Variants in PPP2R5C observed in about 807,000 individuals in gnomAD.
PPP2R5C encodes serine/threonine-protein phosphatase 2A 56 kDa regulatory subunit gamma isoform.
PPP2R5C carries 7 observed loss-of-function variants against 68.9 expected under a neutral mutation model. The observed-to-expected ratio is 0.10, with a 90% CI of 0.06 to 0.19. The LOEUF is 0.19. Among genes scored for constraint, PPP2R5C ranks in the 10% least tolerant of loss-of-function variants. PPP2R5C has a pLI of 1.00. For missense variants in PPP2R5C, 348 were observed against 641.3 expected (o/e 0.54, Z 4.94); for synonymous variants, 210 against 222.2 (o/e 0.95, Z 0.49).
At chr14:101,851,055 T>C (rs2140509462) in intron 1 of PPP2R5C, among the ~76,000 whole-genome samples, 2 of 152,308 alleles carry the variant, frequency 1.3e-5, no homozygotes, top group South Asian at 4.1e-4. Flanking sequence ...GAGCGCTTCT[T>C]TCTGTTTTGC....
chr14:101,907,643 G>C (rs1326626283), intron 10 of PPP2R5C, among the ~76,000 whole-genome samples: 1 of 152,150 alleles, frequency 6.6e-6, no homozygotes, highest in Non-Finnish European at 1.5e-5. Context: ...TATGGGTGAG[G>C]AAGGTGAGAC....
At chr14:101,763,036 A>C (rs2036636970) in intron 2 of PPP2R5C, 66 bp downstream of exon 2, 1 of 1,347,182 alleles carries the variant, frequency 7.4e-7, no homozygotes, top group Non-Finnish European at 1.0e-6. Context: ...AGAAAAACCG[A>C]GAGTGATAAA....
intron 3 of PPP2R5C, among the ~76,000 whole-genome samples, chr14:101,789,188 C>G (rs1046871589): frequency 6.6e-5 from 10 of 152,172 alleles, no homozygotes; most frequent in Admixed American, 2.6e-4. Context: ...CCAACATAGA[C>G]TAGTTATTTT....
Position 101,781,938 on chromosome 14 carries a change from A to G in PPP2R5C, c.94-4080A>G. On this transcript the variant is annotated intron_variant, in intron 2 of 14. Coordinates refer to the PPP2R5C transcript ENST00000328724. The surrounding 1 kb of genome is among the most constrained non-coding windows in gnomAD (Gnocchi z 6.4). ...TCCCGCTCCCACCTCGTCTGCGCCC[A>G]CCCGCTCTGGGCAGCTGCTCCCAAG... Among the ~76,000 whole-genome samples the G allele has an allele frequency of 6.9e-6, 1 of 144,770 alleles. No homozygotes were observed. Among genetic ancestry groups the G allele is most frequent in the Non-Finnish European group, 1.5e-5 (1 of 65,492 alleles). The allele number at this position is 144,770 out of a possible 152,430, so 95.0% of individuals were successfully genotyped here. A position where few individuals can be genotyped will look rare whatever the true frequency, so the allele number is the denominator to read the frequency against.
intron 2 of PPP2R5C, among the ~76,000 whole-genome samples, chr14:101,881,652 C>A (rs2044176384): frequency 6.6e-6 from 1 of 152,260 alleles, no homozygotes; most frequent in Non-Finnish European, 1.5e-5. Flanking sequence ...GGTCGTCCCA[C>A]TCTGACTGTT....
At chr14:101,816,881 T>TA (rs2039715876) in intron 1 of PPP2R5C, among the ~76,000 whole-genome samples, 1 of 136,744 alleles carries the variant, frequency 7.3e-6, no homozygotes, top group South Asian at 2.1e-4. Flanking sequence ...TATATATATA[T>TA]TATATATATA....
chr14:101,776,075 G>C (rs542126865), intron 2 of PPP2R5C, among the ~76,000 whole-genome samples: 17 of 137,548 alleles, frequency 1.2e-4, no homozygotes, highest in African/African-American at 4.2e-4. Flanking sequence ...GCTGGTGCTC[G>C]TGTGCAGCCA....
chr14:101,880,687 C>A (rs1009693122), intron 2 of PPP2R5C, among the ~76,000 whole-genome samples: 3 of 152,056 alleles, frequency 2.0e-5, no homozygotes, highest in African/African-American at 7.3e-5. Flanking sequence ...GTCCCAGCTA[C>A]TTGGGAGGCT....
chr14:101,848,459 A>G (rs2041966817), intron 1 of PPP2R5C, among the ~76,000 whole-genome samples: 1 of 151,962 alleles, frequency 6.6e-6, no homozygotes, highest in South Asian at 2.1e-4. Context: ...TGAACCCAGG[A>G]GGCGGAGGTT....
chr14:101,780,784 C>G (rs2037639922), intron 2 of PPP2R5C, among the ~76,000 whole-genome samples: 1 of 152,146 alleles, frequency 6.6e-6, no homozygotes, highest in African/African-American at 2.4e-5. Flanking sequence ...CAGTTTGTTC[C>G]GTTTACGATA....
At chr14:101,814,198 A>G (rs2039527042) in intron 1 of PPP2R5C, among the ~76,000 whole-genome samples, 1 of 152,242 alleles carries the variant, frequency 6.6e-6, no homozygotes, top group Non-Finnish European at 1.5e-5. Flanking sequence ...TTCTTCAAAT[A>G]ATTAAACCAG....
rs562400529 is a variant in PPP2R5C at position 101,797,576 on chromosome 14, C to G, written c.259+11393C>G. The G allele has an allele frequency of 8.0e-6, 2 of 249,136 alleles. No individual in the cohort carries two copies. The highest frequency in any genetic ancestry group is 2.2e-4 in the East Asian group (2 of 9,276). 15.4% of individuals were successfully genotyped at this position (249,136 alleles called of 1,614,324 possible). A position where few individuals can be genotyped will look rare whatever the true frequency, so the allele number is the denominator to read the frequency against. On this transcript the variant is annotated intron_variant, in intron 3 of 14. Coordinates refer to the PPP2R5C transcript ENST00000328724. The surrounding 1 kb of genome is among the most constrained non-coding windows in gnomAD (Gnocchi z 4.2). ...CCAGCCAGGGCCACCTATCCCTTCACCTCCCTCCACCTCGGATTTCCTCTT... is the reference window on the plus strand; with the variant it reads ...CCAGCCAGGGCCACCTATCCCTTCAGCTCCCTCCACCTCGGATTTCCTCTT...
chr14:101,850,436 A>T (rs2042088025), intron 1 of PPP2R5C, among the ~76,000 whole-genome samples: 1 of 152,236 alleles, frequency 6.6e-6, no homozygotes, highest in South Asian at 2.1e-4. Context: ...TGTTTTGCAC[A>T]TTTTGAGAAG....
At chr14:101,831,619 A>C (rs1201390997) in intron 1 of PPP2R5C, 2 of 606,160 alleles carry the variant, frequency 3.3e-6, no homozygotes, top group African/African-American at 3.6e-5. Context: ...AATAAGTACA[A>C]GAATTACAGT....
At chr14:101,871,512 G>A (rs1367426456) in intron 2 of PPP2R5C, among the ~76,000 whole-genome samples, 4 of 152,014 alleles carry the variant, frequency 2.6e-5, no homozygotes, top group African/African-American at 9.7e-5. Flanking sequence ...CAAAGTGCTG[G>A]GATTACAGGC....
chr14:101,777,147 G>T (rs937889206), intron 2 of PPP2R5C, among the ~76,000 whole-genome samples: 1 of 151,916 alleles, frequency 6.6e-6, no homozygotes, highest in Non-Finnish European at 1.5e-5. Flanking sequence ...CCAAACGCTC[G>T]TTCCTTTTTA....
At chr14:101,766,737 G>C (rs2036880953) in intron 2 of PPP2R5C, 1 of 152,206 alleles carries the variant, frequency 6.6e-6, no homozygotes, top group Non-Finnish European at 1.5e-5. Context: ...CAAAAAACGG[G>C]CTCATGGGTC....
Position 101,796,789 on chromosome 14 carries a change from G to A in PPP2R5C, c.259+10606G>A, listed in dbSNP as rs372579243. 8.3e-4 allele frequency: 172 copies of A among 208,320 alleles called. 1 individual carries two copies. The highest frequency in any genetic ancestry group is 3.6e-3 in the African/African-American group (153 of 42,702). 12.9% of individuals were successfully genotyped at this position (208,320 alleles called of 1,614,324 possible). ...CCAGCTGTAATCTCGGCTCATTACC[G>A]CACACAGAGACCACTTCTTGGACAT... is the stretch of plus-strand genomic sequence containing the variant. On this transcript the variant is annotated intron_variant, in intron 3 of 14. Coordinates refer to the PPP2R5C transcript ENST00000328724.
At position 101,898,745 on chromosome 14, in the gene PPP2R5C, G is replaced by T. The variant is rs1004977206; in HGVS notation, c.853-2974G>T. On this transcript the variant is annotated intron_variant, in intron 8 of 13. Transcript: ENST00000334743. ...GCTGCACAGATAATGTAATAGTACC[G>T]TCCTGGCTTTAGAAAGCAGATTCAA... Among the ~76,000 whole-genome samples the T allele has an allele frequency of 1.2e-4, 19 of 152,160 alleles. 1 individual carries two copies. Among genetic ancestry groups the T allele is most frequent in the African/African-American group, 4.6e-4 (19 of 41,418 alleles).
Sources: allele counts gnomAD v4.1 joint callset (sites outside exome capture counted in the v4.1 genomes callset), GRCh38; gene constraint gnomAD v4.1.1; non-coding constraint Gnocchi (gnomAD v3.1); transcripts MANE v1.5; gene names NCBI Gene and HGNC (gene_info 2026-07-23, HGNC 2026-07-21).